Variants in CDK14 observed in about 807,000 individuals in gnomAD.
CDK14 encodes cyclin-dependent kinase 14.
A neutral mutation model predicts 60.7 loss-of-function variants in CDK14; 34 were observed. The observed-to-expected ratio is 0.56, with a 90% CI of 0.43 to 0.75. CDK14 has a LOEUF of 0.75. CDK14 is among the 30% of genes least tolerant of loss of function. The pLI, the probability that CDK14 is intolerant of heterozygous loss-of-function variation, is 0.00. For missense variants in CDK14, 482 were observed against 564.1 expected (o/e 0.85, Z 1.47); for synonymous variants, 197 against 203.7 (o/e 0.97, Z 0.28).
chr7:90,824,271 A>G (rs1240219449), intron 5 of CDK14, among the ~76,000 whole-genome samples: 1 of 152,114 alleles, frequency 6.6e-6, no homozygotes, highest in East Asian at 1.9e-4. Context: ...AGCTGCCAGC[A>G]TGATCTCCAT....
intron 8 of CDK14, among the ~76,000 whole-genome samples, chr7:90,944,175 C>T (rs995719666): frequency 1.1e-4 from 17 of 152,194 alleles, no homozygotes; most frequent in Non-Finnish European, 1.8e-4. Flanking sequence ...TTTTGGACTT[C>T]CAAGCCTCCA....
intron 14 of CDK14, among the ~76,000 whole-genome samples, chr7:91,153,624 G>T (rs549811594): frequency 2.0e-5 from 3 of 152,256 alleles, no homozygotes; most frequent in Admixed American, 6.5e-5. Context: ...GCAAACTAAT[G>T]CAGGAACGGA....
intron 5 of CDK14, among the ~76,000 whole-genome samples, chr7:90,840,765 G>GT (rs759215354): frequency 5.3e-5 from 8 of 152,162 alleles, no homozygotes; most frequent in Non-Finnish European, 1.0e-4. Flanking sequence ...CAATCAGTAT[G>GT]TTTTACCTTT....
chr7:90,963,086 A>AGTGTGTGTGTGTGTGTGTGTGT (rs34662049), intron 9 of CDK14, among the ~76,000 whole-genome samples: 6 of 142,078 alleles, frequency 4.2e-5, no homozygotes, highest in Non-Finnish European at 7.5e-5. Context: ...TCATCTTAAG[A>AGTGTGTGTGTGTGTGTGTGTGT]GTGTGTGTGT....
chr7:90,915,441 G>A (rs1256844466), intron 7 of CDK14, among the ~76,000 whole-genome samples: 1 of 152,092 alleles, frequency 6.6e-6, no homozygotes. Flanking sequence ...AGCATGCTGA[G>A]TGTTGAGGTA....
At chr7:91,179,936 C>G (rs1050278053) in intron 14 of CDK14, among the ~76,000 whole-genome samples, 1 of 151,718 alleles carries the variant, frequency 6.6e-6, no homozygotes, top group African/African-American at 2.4e-5. Context: ...TGTTTTTAAT[C>G]TTATTAGGAA....
At chr7:90,990,534 A>T (rs1174956958) in intron 10 of CDK14, among the ~76,000 whole-genome samples, 1 of 152,156 alleles carries the variant, frequency 6.6e-6, no homozygotes, top group African/African-American at 2.4e-5. Flanking sequence ...CATGGCGAAA[A>T]ATCTTTTTCA....
chr7:90,968,330 GA>G (rs1794818513), intron 9 of CDK14, among the ~76,000 whole-genome samples: 2 of 152,094 alleles, frequency 1.3e-5, no homozygotes, highest in African/African-American at 4.8e-5. Flanking sequence ...CAACTAAAAC[GA>G]CCTATCAGTG....
intron 2 of CDK14, among the ~76,000 whole-genome samples, chr7:90,657,724 A>G (rs1424861888): frequency 6.6e-6 from 1 of 152,222 alleles, no homozygotes; most frequent in Non-Finnish European, 1.5e-5. Context: ...CCAAAGGCTT[A>G]AACTTTATCT....
chr7:91,071,196 T>C (rs767278715), intron 11 of CDK14, among the ~76,000 whole-genome samples: 43 of 152,232 alleles, frequency 2.8e-4, no homozygotes, highest in Non-Finnish European at 5.7e-4. Flanking sequence ...GGTCTTTTTC[T>C]TTAAGCAAGA....
intron 2 of CDK14, among the ~76,000 whole-genome samples, chr7:90,622,913 CTTTTTTTTTCT>C (rs938208349): frequency 6.7e-5 from 9 of 134,880 alleles, no homozygotes; most frequent in African/African-American, 2.5e-4. Context: ...TGTTTTCTTT[CTTTTTTTTTCT>C]TTTTTTTTTT....
At chr7:90,846,841 C>A (rs1304826237) in intron 5 of CDK14, among the ~76,000 whole-genome samples, 1 of 152,134 alleles carries the variant, frequency 6.6e-6, no homozygotes, top group African/African-American at 2.4e-5. Context: ...TCTGTATAGG[C>A]TCCTGCCCTC....
At chr7:90,809,355 C>G (rs1380301166) in intron 5 of CDK14, among the ~76,000 whole-genome samples, 1 of 152,104 alleles carries the variant, frequency 6.6e-6, no homozygotes, top group Non-Finnish European at 1.5e-5. Flanking sequence ...ACTGAACAAC[C>G]TGCTCCCGAA....
At chr7:90,640,072 C>T (rs567778355) in intron 2 of CDK14, among the ~76,000 whole-genome samples, 4 of 152,282 alleles carry the variant, frequency 2.6e-5, no homozygotes, top group South Asian at 2.1e-4. Flanking sequence ...TTGTGCTTCC[C>T]GAGTGAGGCA....
chr7:90,789,028 G>T (rs1485179878), intron 4 of CDK14, among the ~76,000 whole-genome samples: 2 of 152,068 alleles, frequency 1.3e-5, no homozygotes, highest in African/African-American at 2.4e-5. Context: ...CATCAGAATT[G>T]GAGATCAGAA....
At chr7:90,952,976 A>C (rs573633836) in intron 8 of CDK14, among the ~76,000 whole-genome samples, 16 of 152,228 alleles carry the variant, frequency 1.1e-4, no homozygotes, top group Non-Finnish European at 1.9e-4. Context: ...TTATACTTCA[A>C]AGTCTCTTTC....
At chr7:90,825,663 A>T (rs1789697691) in intron 5 of CDK14, among the ~76,000 whole-genome samples, 1 of 152,224 alleles carries the variant, frequency 6.6e-6, no homozygotes, top group Non-Finnish European at 1.5e-5. Context: ...TATGCAAATT[A>T]TACGAAATGT....
rs1021325387 is a variant in CDK14, at chr7:91,188,256, T to G, written c.*29-18909T>G. ...TAAATGAAGATTTTTAGGAGTATCA[T>G]TTAAACATTCCTCAGATATGTTAAC... On this transcript the variant is annotated intron_variant, in intron 14 of 14. Transcript: ENST00000380050. Among the ~76,000 whole-genome samples, 20 of 152,194 alleles carry G rather than the reference T, an allele frequency of 1.3e-4. 1 individual carries two copies. The highest frequency in any genetic ancestry group is 8.5e-4 in the Admixed American group (13 of 15,260).
chr7:90,920,371 A>G (rs886743239), intron 8 of CDK14, among the ~76,000 whole-genome samples: 1 of 152,244 alleles, frequency 6.6e-6, no homozygotes, highest in Non-Finnish European at 1.5e-5. Flanking sequence ...AAATGATACT[A>G]CTTTTATTAG....
Sources: allele counts gnomAD v4.1 joint callset (sites outside exome capture counted in the v4.1 genomes callset), GRCh38; gene constraint gnomAD v4.1.1; transcripts MANE v1.5; gene names NCBI Gene and HGNC (gene_info 2026-07-23, HGNC 2026-07-21).